Variants in SNTG1 observed in about 807,000 individuals in gnomAD.
SNTG1 encodes the protein syntrophin gamma 1, also known as gamma-1-syntrophin.
SNTG1 carries 39 observed loss-of-function variants against 74.7 expected under a neutral mutation model. The ratio of observed to expected loss-of-function variants is 0.52; its 90% CI spans 0.40 to 0.68. The LOEUF (loss-of-function observed/expected upper bound fraction) is 0.68, where lower values mean the gene tolerates loss of function less well. SNTG1 is among the 30% of genes least tolerant of loss of function. The pLI is 0.00. For synonymous variants in SNTG1, 254 were observed against 217.1 expected (o/e 1.17, Z -1.49); for missense variants, 685 against 609.5 (o/e 1.12, Z -1.30).
intron 15 of SNTG1, among the ~76,000 whole-genome samples, chr8:50,671,206 A>C (rs565808616): frequency 6.6e-6 from 1 of 152,154 alleles, no homozygotes; most frequent in East Asian, 1.9e-4. Flanking sequence ...ATCTAATTAA[A>C]CTAAAGAGCT....
intron 13 of SNTG1, among the ~76,000 whole-genome samples, chr8:50,643,478 G>A (rs1191250742): frequency 1.3e-5 from 2 of 152,154 alleles, no homozygotes; most frequent in Non-Finnish European, 2.9e-5. Context: ...GAAGGAGATG[G>A]TTTCTACAGC....
chr8:50,274,161 C>A (rs1215204469), intron 2 of SNTG1, among the ~76,000 whole-genome samples: 4 of 152,000 alleles, frequency 2.6e-5, no homozygotes, highest in Non-Finnish European at 5.9e-5. Context: ...GATCTTGGCT[C>A]ACTGCACCCT....
intron 13 of SNTG1, among the ~76,000 whole-genome samples, chr8:50,638,907 A>C (rs2095055482): frequency 6.6e-6 from 1 of 152,126 alleles, no homozygotes; most frequent in East Asian, 1.9e-4. Flanking sequence ...AGCAGATTAC[A>C]TCCAACTAGA....
chr8:50,517,616 C>CAAAAAAAAAA (rs1161724778), intron 9 of SNTG1, among the ~76,000 whole-genome samples: 6 of 62,352 alleles, frequency 9.6e-5, no homozygotes, highest in East Asian at 1.1e-3. Flanking sequence ...AAATGGAAAG[C>CAAAAAAAAAA]AAAAAAAAAA....
At chr8:50,402,054 C>A (rs769325410) in intron 3 of SNTG1, among the ~76,000 whole-genome samples, 156 bp from the exon 4 acceptor site, 1 of 152,062 alleles carries the variant, frequency 6.6e-6, no homozygotes, top group South Asian at 2.1e-4. Context: ...TTTTCCCTTG[C>A]ACCCACGTTA....
At position 50,760,760 on chromosome 8, in the gene SNTG1, A is replaced by G. The variant is rs975751934; in HGVS notation, c.1395+8649A>G. Among the ~76,000 whole-genome samples, 89 of 152,060 alleles carry G rather than the reference A, an allele frequency of 5.9e-4. 1 individual carries two copies. Among genetic ancestry groups the G allele is most frequent in the Admixed American group, 3.3e-3 (51 of 15,250 alleles). On this transcript the variant is annotated intron_variant, in intron 18 of 18. Transcript: ENST00000642720. ...CTATAAACACCTCTATGCAAATAAA[A>G]TAGAAAATCGAGAAGAGATGGATGA...
chr8:50,132,518 GA>G (rs1402672269), intron 1 of SNTG1, among the ~76,000 whole-genome samples: 1 of 151,878 alleles, frequency 6.6e-6, no homozygotes, highest in Non-Finnish European at 1.5e-5. Context: ...GAAACTGGAA[GA>G]AAAAAAGAAT....
chr8:50,385,795 T>C (rs775051591), intron 2 of SNTG1, among the ~76,000 whole-genome samples: 38 of 152,168 alleles, frequency 2.5e-4, no homozygotes, highest in Non-Finnish European at 5.1e-4. Flanking sequence ...ATATGTTCAT[T>C]TGCTCAAGCA....
chr8:49,959,030 A>G (rs949186929), intron 1 of SNTG1, among the ~76,000 whole-genome samples: 1 of 152,184 alleles, frequency 6.6e-6, no homozygotes, highest in Non-Finnish European at 1.5e-5. Context: ...TGCAATATAC[A>G]CGTTAAATTC....
intron 11 of SNTG1, among the ~76,000 whole-genome samples, chr8:50,549,469 T>C (rs1036194584): frequency 2.0e-5 from 3 of 152,186 alleles, no homozygotes; most frequent in African/African-American, 4.8e-5. Flanking sequence ...TTTCTCATTG[T>C]TCATTTTGTG....
At chr8:50,104,324 T>C (rs1453355619) in intron 1 of SNTG1, among the ~76,000 whole-genome samples, 1 of 152,234 alleles carries the variant, frequency 6.6e-6, no homozygotes, top group Non-Finnish European at 1.5e-5. Context: ...ATCCATTTCT[T>C]CTAGATTTTC....
chr8:50,001,538 A>G (rs1457937047), intron 1 of SNTG1, among the ~76,000 whole-genome samples: 3 of 152,214 alleles, frequency 2.0e-5, no homozygotes, highest in South Asian at 2.1e-4. Flanking sequence ...ATTGTCTTAC[A>G]TACCTCTGGC....
chr8:50,131,696 T>C (rs538477044), intron 1 of SNTG1, among the ~76,000 whole-genome samples: 1 of 152,156 alleles, frequency 6.6e-6, no homozygotes, highest in African/African-American at 2.4e-5. Flanking sequence ...TTTGTGGATA[T>C]ATACTCAGAA....
chr8:50,397,102 G>A (rs1035133547), intron 3 of SNTG1, among the ~76,000 whole-genome samples: 2 of 152,118 alleles, frequency 1.3e-5, no homozygotes, highest in African/African-American at 4.8e-5. Flanking sequence ...AGTCAGAGAA[G>A]AAGAATATTT....
intron 18 of SNTG1, among the ~76,000 whole-genome samples, chr8:50,754,213 C>A (rs1410058858): frequency 6.6e-6 from 1 of 152,000 alleles, no homozygotes; most frequent in Admixed American, 6.6e-5. Flanking sequence ...CCTAGAAGTG[C>A]AAATTGCACC....
intron 2 of SNTG1, among the ~76,000 whole-genome samples, chr8:50,349,741 A>G (rs2091591039): frequency 6.6e-6 from 1 of 152,160 alleles, no homozygotes; most frequent in African/African-American, 2.4e-5. Flanking sequence ...TCCCCTTGAG[A>G]AGTGACAGTG....
intron 2 of SNTG1, among the ~76,000 whole-genome samples, chr8:50,345,489 TG>T (rs1294172790): frequency 3.3e-5 from 5 of 152,192 alleles, no homozygotes; most frequent in Non-Finnish European, 5.9e-5. Flanking sequence ...CATAAGGTCT[TG>T]GCTCTGCACT....
chr8:50,464,242 T>C (rs906239443), intron 8 of SNTG1, among the ~76,000 whole-genome samples: 8 of 152,218 alleles, frequency 5.3e-5, no homozygotes, highest in African/African-American at 1.9e-4. Flanking sequence ...GTAGCACTTA[T>C]AATTTCCTTC....
intron 13 of SNTG1, among the ~76,000 whole-genome samples, chr8:50,624,988 G>C (rs868002987): frequency 1.3e-5 from 2 of 152,122 alleles, no homozygotes; most frequent in Non-Finnish European, 2.9e-5. Context: ...CTTGGCACTT[G>C]CTTTCCAAAA....
Sources: allele counts gnomAD v4.1 joint callset (sites outside exome capture counted in the v4.1 genomes callset), GRCh38; gene constraint gnomAD v4.1.1; transcripts MANE v1.5; gene names NCBI Gene and HGNC (gene_info 2026-07-23, HGNC 2026-07-21).